The following MIPEP variants were observed in gnomAD, a reference collection of about 807,000 sequenced individuals.
MIPEP encodes the protein mitochondrial intermediate peptidase.
Under a neutral mutation model 90.3 loss-of-function variants are expected in MIPEP, and 79 were observed. The ratio of observed to expected loss-of-function variants is 0.87; its 90% CI spans 0.73 to 1.05. The LOEUF is 1.05. MIPEP is among the 50% of genes least tolerant of loss of function. MIPEP has a pLI of 0.00. For synonymous variants in MIPEP, 334 were observed against 315.8 expected, an observed-to-expected ratio of 1.06 and a Z score of -0.61; for missense variants, 940 against 905.6, an observed-to-expected ratio of 1.04 and a Z score of -0.49.
intron 3 of MIPEP, among the ~76,000 whole-genome samples, chr13:23,880,616 C>T (rs1410223668): frequency 6.6e-6 from 1 of 152,204 alleles, no homozygotes; most frequent in Non-Finnish European, 1.5e-5. Flanking sequence ...GGCCTTTCCC[C>T]GAGAGGCAAA....
At chr13:23,797,122 T>C (rs868538247) in intron 16 of MIPEP, among the ~76,000 whole-genome samples, 2 of 152,194 alleles carry the variant, frequency 1.3e-5, no homozygotes, top group Non-Finnish European at 2.9e-5. Flanking sequence ...GCTGTTCCAA[T>C]GAGAACATCA....
intron 16 of MIPEP, among the ~76,000 whole-genome samples, chr13:23,772,674 C>A (rs1328560689): frequency 6.6e-6 from 1 of 152,184 alleles, no homozygotes; most frequent in Admixed American, 6.5e-5. Flanking sequence ...CTGAGGTGAG[C>A]TGATGGCCTC....
intron 9 of MIPEP, among the ~76,000 whole-genome samples, chr13:23,859,880 T>C (rs577962629): frequency 5.1e-4 from 77 of 152,354 alleles, no homozygotes; most frequent in African/African-American, 1.9e-3. Context: ...CCATATTCCA[T>C]GGTAATACTT....
intron 16 of MIPEP, among the ~76,000 whole-genome samples, chr13:23,766,626 T>G (rs1312913878): frequency 6.6e-6 from 1 of 152,246 alleles, no homozygotes; most frequent in East Asian, 1.9e-4. Context: ...CATGCATCAC[T>G]GGAGACTAGT....
intron 10 of MIPEP, among the ~76,000 whole-genome samples, chr13:23,852,107 G>T (rs370746861): frequency 1.3e-5 from 2 of 152,194 alleles, no homozygotes; most frequent in Non-Finnish European, 1.5e-5. Context: ...TGACAAAAAA[G>T]AGAGTAAGAA....
intron 16 of MIPEP, among the ~76,000 whole-genome samples, chr13:23,787,630 G>A (rs983849158): frequency 3.9e-5 from 6 of 151,990 alleles, no homozygotes; most frequent in African/African-American, 1.5e-4. Context: ...TCTTTCTCTC[G>A]TGTCCCCTAC....
At chr13:23,845,813 T>A (rs1238437807) in intron 10 of MIPEP, among the ~76,000 whole-genome samples, 1 of 152,212 alleles carries the variant, frequency 6.6e-6, no homozygotes, top group African/African-American at 2.4e-5. Context: ...TTTATTTTCC[T>A]TCTTTAGCTA....
At chr13:23,742,318 AG>A (rs138371204) in intron 18 of MIPEP, among the ~76,000 whole-genome samples, 2,923 of 152,348 alleles carry the variant, frequency 0.019, 81 homozygotes, top group African/African-American at 0.066. Context: ...GGTTAGAGCA[AG>A]GGTTTAGTAA....
intron 16 of MIPEP, among the ~76,000 whole-genome samples, chr13:23,785,301 A>G (rs1178694836): frequency 5.3e-5 from 8 of 152,190 alleles, no homozygotes; most frequent in Non-Finnish European, 1.0e-4. Context: ...ATGGAATACT[A>G]TGCAGCCATA....
chr13:23,779,444 A>T (rs1040220362), intron 16 of MIPEP, among the ~76,000 whole-genome samples: 4 of 152,176 alleles, frequency 2.6e-5, no homozygotes, highest in Non-Finnish European at 5.9e-5. Flanking sequence ...AAAACCATAA[A>T]ACAAATACAT....
chr13:23,853,845 C>T (rs968452392), intron 10 of MIPEP, among the ~76,000 whole-genome samples: 5 of 151,818 alleles, frequency 3.3e-5, no homozygotes, highest in Non-Finnish European at 5.9e-5. Flanking sequence ...GGATTACAGG[C>T]ATGAGCCACT....
chr13:23,755,093 C>A (rs986460904), intron 18 of MIPEP, among the ~76,000 whole-genome samples: 1 of 152,174 alleles, frequency 6.6e-6, no homozygotes, highest in Non-Finnish European at 1.5e-5. Flanking sequence ...TCAACAGATA[C>A]ATGGTAATCC....
intron 4 of MIPEP, among the ~76,000 whole-genome samples, chr13:23,875,558 T>A (rs1032351990): frequency 1.3e-5 from 2 of 151,968 alleles, no homozygotes; most frequent in African/African-American, 4.8e-5. Flanking sequence ...GGTATTTTTT[T>A]TAAAAAAAAC....
At chr13:23,779,453 A>T (rs1165933844) in intron 16 of MIPEP, among the ~76,000 whole-genome samples, 1 of 152,132 alleles carries the variant, frequency 6.6e-6, no homozygotes, top group Non-Finnish European at 1.5e-5. Flanking sequence ...AAACAAATAC[A>T]TTTAAAAAGG....
intron 16 of MIPEP, among the ~76,000 whole-genome samples, chr13:23,795,762 G>C (rs934204934): frequency 9.2e-5 from 14 of 151,864 alleles, no homozygotes; most frequent in Non-Finnish European, 1.5e-4. Context: ...AGCTGAGGTA[G>C]GAGGACCACT....
chr13:23,870,019 A>T lies in MIPEP; in HGVS notation c.780T>A (p.Asp260Glu), dbSNP rs767164862. ...GAGAATGAAACATACATACCAAGTC[A>T]TCTGGTGATTCTGCGTGGAGACCAT... ...IIDGLHAESP[D>E]DLVREAAYKI... Residue 260 changes from aspartate (D) to glutamate (E), a missense_variant, in exon 6 of 19, where the codon GAT becomes GAA. Coordinates refer to ENST00000382172, the MANE Select transcript of MIPEP (RefSeq NM_005932.4). 1 of 1,591,532 alleles carries T rather than the reference A, an allele frequency of 6.3e-7. No individual in the cohort carries two copies. Among genetic ancestry groups the T allele is most frequent in the Non-Finnish European group, 8.6e-7 (1 of 1,168,234 alleles).
At chr13:23,767,944 T>C (rs1432807968) in intron 16 of MIPEP, among the ~76,000 whole-genome samples, 3 of 152,220 alleles carry the variant, frequency 2.0e-5, no homozygotes, top group Non-Finnish European at 4.4e-5. Flanking sequence ...GACTCTCGAT[T>C]GCTGTGGCAG....
At chr13:23,872,200 G>A (rs1432237935) in intron 5 of MIPEP, among the ~76,000 whole-genome samples, 4 of 152,178 alleles carry the variant, frequency 2.6e-5, no homozygotes, top group East Asian at 1.9e-4. Flanking sequence ...AGTGGCTCAC[G>A]CCTATAATCC....
intron 5 of MIPEP, among the ~76,000 whole-genome samples, chr13:23,870,638 C>G (rs1870759145): frequency 6.6e-6 from 1 of 152,044 alleles, no homozygotes; most frequent in Non-Finnish European, 1.5e-5. Flanking sequence ...AATCCCATCT[C>G]TACTAAAAAT....
Sources: allele counts gnomAD v4.1 joint callset (sites outside exome capture counted in the v4.1 genomes callset), GRCh38; gene constraint gnomAD v4.1.1; transcripts MANE v1.5; gene names NCBI Gene and HGNC (gene_info 2026-07-23, HGNC 2026-07-21).